Variants in TLK2 observed in about 807,000 individuals in gnomAD.
TLK2 encodes tousled like kinase 2, also known as serine/threonine-protein kinase tousled-like 2.
In TLK2, 6 loss-of-function variants were observed where a neutral mutation model predicts 117.3. That is an observed-to-expected ratio of 0.05 (90% CI 0.03 to 0.10). The LOEUF is 0.10. Ranked by LOEUF, TLK2 falls within the 10% of genes least tolerant of loss-of-function variation. TLK2 has a pLI of 1.00. For synonymous variants in TLK2, 257 were observed against 316.7 expected (o/e 0.81, Z 2.00); for missense variants, 299 against 901.2 (o/e 0.33, Z 8.56).
intron 2 of TLK2, among the ~76,000 whole-genome samples, chr17:62,518,498 G>A (rs2075793697): frequency 6.6e-6 from 1 of 152,128 alleles, no homozygotes; most frequent in African/African-American, 2.4e-5. Context: ...GAAGGCAGGA[G>A]TTCCAGACCA....
At position 62,600,702 on chromosome 17, in the gene TLK2, G is replaced by A. The variant is rs2147165367; in HGVS notation, c.1602G>A (p.Leu534=). 3.1e-6 allele frequency: 5 copies of A among 1,612,564 alleles called. No homozygotes were observed. Among genetic ancestry groups the A allele is most frequent in the Middle Eastern group, 2.0e-4 (1 of 5,078 alleles). Residue 534 remains leucine, a synonymous_variant, in exon 18 of 22, where the codon CTG becomes CTA. Transcript: ENST00000346027. ...YCEGNDLDFY[L]KQHKLMSEKE... Reference sequence around the variant, plus strand: ...AGGGAAATGATCTGGACTTCTACCTGAAACAGCACAAATTAATGTCGGAGA... The same window carrying A: ...AGGGAAATGATCTGGACTTCTACCTAAAACAGCACAAATTAATGTCGGAGA...
At position 62,552,582 on chromosome 17, in the gene TLK2, T is replaced by C. The variant is rs148569307; in HGVS notation, c.627+185T>C. Among the ~76,000 whole-genome samples the C allele has an allele frequency of 4.0e-3, 603 of 152,312 alleles. 3 individuals carry two copies. Among genetic ancestry groups the C allele is most frequent in the African/African-American group, 0.014 (570 of 41,574 alleles). On this transcript the variant is annotated intron_variant, in intron 8 of 21. Coordinates refer to ENST00000346027, the MANE Select transcript of TLK2 (RefSeq NM_006852.6). ...AGTCCTTTGGAAGGTGCTTTAACTT[T>C]TTGAGGCTTTTCTTTACTCTTCCGG... is the stretch of plus-strand genomic sequence containing the variant.
intron 2 of TLK2, among the ~76,000 whole-genome samples, chr17:62,519,640 A>T (rs2075891577): frequency 6.6e-6 from 1 of 152,060 alleles, no homozygotes; most frequent in African/African-American, 2.4e-5. Context: ...ATGGCGAAAC[A>T]ATAATAAATT....
intron 16 of TLK2, among the ~76,000 whole-genome samples, chr17:62,587,569 C>A (rs192496414): frequency 5.9e-5 from 9 of 152,284 alleles, no homozygotes; most frequent in Admixed American, 2.6e-4. Context: ...TCTTCCTGTT[C>A]CAGACAGATG....
chr17:62,609,794 A>C (rs2083595838), intron 21 of TLK2, among the ~76,000 whole-genome samples: 1 of 152,216 alleles, frequency 6.6e-6, no homozygotes, highest in Non-Finnish European at 1.5e-5. Context: ...TATCCATAAA[A>C]ACAGAGACAA....
At position 62,592,046 on chromosome 17, in the gene TLK2, C is replaced by G. The variant is rs563975966; in HGVS notation, c.1461-4539C>G. On this transcript the variant is annotated intron_variant, in intron 16 of 21. Coordinates refer to ENST00000346027, the MANE Select transcript of TLK2 (RefSeq NM_006852.6). ...CTCAGCTCACCACAGCGTCCGCCTC[C>G]TGGGTTCAAGTGATTCCCCTGCCTC... Among the ~76,000 whole-genome samples the G allele has an allele frequency of 2.0e-3, 298 of 152,138 alleles. 3 individuals are homozygous for G. The highest frequency in any genetic ancestry group is 2.7e-3 in the Non-Finnish European group (185 of 67,998).
intron 7 of TLK2, 82 bp from the exon 8 acceptor site, chr17:62,552,220 A>G: frequency 1.9e-6 from 2 of 1,066,478 alleles, no homozygotes; most frequent in Non-Finnish European, 2.8e-6. Context: ...GATACAAATT[A>G]TGGAGTTGTT....
At chr17:62,607,955 AT>A (rs2083440309) in intron 20 of TLK2, 85 bp from the exon 21 acceptor site, 10 of 1,106,310 alleles carry the variant, frequency 9.0e-6, no homozygotes, top group Non-Finnish European at 1.3e-5. Flanking sequence ...AAGATGTCTT[AT>A]CCTTTTCCTT....
chr17:62,519,919 G>C (rs2465449), intron 2 of TLK2, among the ~76,000 whole-genome samples: 54,965 of 151,830 alleles, frequency 0.36, 10,118 homozygotes, highest in Admixed American at 0.41. Flanking sequence ...TTCCACTTGC[G>C]TAGTACCACA....
At chr17:62,554,303 G>C (rs2078687115) in intron 9 of TLK2, among the ~76,000 whole-genome samples, 1 of 152,178 alleles carries the variant, frequency 6.6e-6, no homozygotes, top group Non-Finnish European at 1.5e-5. Context: ...GGCCGGACAT[G>C]GTGGTTCACA....
chr17:62,546,744 G>C (rs1363635858), intron 7 of TLK2, among the ~76,000 whole-genome samples: 1 of 151,526 alleles, frequency 6.6e-6, no homozygotes, highest in Non-Finnish European at 1.5e-5. Context: ...ATTTTTAGTA[G>C]AGACGGGGTT....
intron 15 of TLK2, 117 bp from the exon 16 acceptor site, chr17:62,586,018 T>C (rs2081581736): frequency 1.5e-6 from 1 of 688,574 alleles, no homozygotes; most frequent in Non-Finnish European, 2.4e-6. Context: ...AAGTATGTGA[T>C]GTATTTAATA....
intron 10 of TLK2, among the ~76,000 whole-genome samples, chr17:62,562,679 G>T (rs370836600): frequency 1.3e-5 from 2 of 152,148 alleles, no homozygotes; most frequent in Admixed American, 6.6e-5. Context: ...GTGAAGATGA[G>T]GGGCAGCCTG....
intron 11 of TLK2, among the ~76,000 whole-genome samples, chr17:62,566,438 C>A (rs779125018): frequency 3.3e-5 from 5 of 152,180 alleles, no homozygotes; most frequent in Non-Finnish European, 7.3e-5. Flanking sequence ...GAAACATTAA[C>A]CTCCAACTTA....
At chr17:62,584,208 C>T (rs982810094) in intron 15 of TLK2, among the ~76,000 whole-genome samples, 1 of 148,112 alleles carries the variant, frequency 6.8e-6, no homozygotes, top group African/African-American at 2.5e-5. Context: ...CCTCTGCCTC[C>T]CGGGTTCACG....
rs750088077 is a variant in TLK2 at position 62,514,148 on chromosome 17, AT to A, written c.82-6612del. Among the ~76,000 whole-genome samples, 911 of 144,670 alleles carry A rather than the reference AT, an allele frequency of 6.3e-3. 4 individuals are homozygous for A. Among genetic ancestry groups the A allele is most frequent in the African/African-American group, 0.02 (777 of 39,652 alleles). 94.9% of individuals were successfully genotyped at this position (144,670 alleles called of 152,430 possible). A position where few individuals can be genotyped will look rare whatever the true frequency, so the allele number is the denominator to read the frequency against. ...TTTACAACACAGCAAATAAATAATAATTTTTTTTTTTTTGAGATGGAGTCTC... is the reference window on the plus strand; with the variant it reads ...TTTACAACACAGCAAATAAATAATAATTTTTTTTTTTTGAGATGGAGTCTC... On this transcript the variant is annotated intron_variant, in intron 2 of 21. Transcript: ENST00000346027.
intron 19 of TLK2, 53 bp from the exon 20 acceptor site, chr17:62,606,077 C>G (rs2083281430): frequency 5.9e-6 from 4 of 676,482 alleles, no homozygotes; most frequent in Non-Finnish European, 9.2e-6. Context: ...TTGTACATGT[C>G]TTAAACTTAT....
intron 2 of TLK2, among the ~76,000 whole-genome samples, chr17:62,511,444 C>T (rs2075137778): frequency 6.6e-6 from 1 of 152,194 alleles, no homozygotes; most frequent in Admixed American, 6.5e-5. Context: ...AATCTTAGCT[C>T]ACTGCAGCCT....
At chr17:62,520,979 C>G (rs754640228) in intron 3 of TLK2, 135 bp downstream of exon 3, 3 of 959,476 alleles carry the variant, frequency 3.1e-6, no homozygotes, top group African/African-American at 3.3e-5. Flanking sequence ...TGGAGACCAG[C>G]CTGGGCAACA....
Sources: gnomAD v4.1 joint callset for allele counts (sites outside exome capture counted in the v4.1 genomes callset) on GRCh38, gnomAD v4.1.1 for gene constraint, MANE v1.5 for transcripts, NCBI Gene and HGNC (gene_info 2026-07-23, HGNC 2026-07-21) for gene names.